The following SORCS3 variants were observed in gnomAD, a reference collection of about 807,000 sequenced individuals.
SORCS3 encodes VPS10 domain-containing receptor SorCS3.
In SORCS3, 57 loss-of-function variants were observed where a neutral mutation model predicts 146.3. The observed-to-expected ratio is 0.39, with a 90% CI of 0.31 to 0.49. The LOEUF (loss-of-function observed/expected upper bound fraction) is 0.49, where lower values mean the gene tolerates loss of function less well. SORCS3 is among the 20% of genes least tolerant of loss of function. The probability of loss-of-function intolerance (pLI) is 0.92; values close to 1 mark genes in which losing one functional copy is unlikely to be tolerated. For missense variants in SORCS3, 1,341 were observed against 1,575.5 expected (o/e 0.85, Z 2.52); for synonymous variants, 653 against 618.5 (o/e 1.06, Z -0.83).
intron 1 of SORCS3, among the ~76,000 whole-genome samples, chr10:104,690,144 G>A (rs778147885): frequency 1.3e-5 from 2 of 152,166 alleles, no homozygotes; most frequent in African/African-American, 4.8e-5. Flanking sequence ...TCCCTTGCCT[G>A]TAGCTGGGAA....
At chr10:105,134,872 G>A (rs572003838) in intron 7 of SORCS3, among the ~76,000 whole-genome samples, 24 of 152,182 alleles carry the variant, frequency 1.6e-4, no homozygotes, top group African/African-American at 3.4e-4. Context: ...TCTCATCTGC[G>A]TATCATCTTA....
intron 9 of SORCS3, among the ~76,000 whole-genome samples, chr10:105,156,766 A>G (rs2056212817): frequency 6.6e-6 from 1 of 152,140 alleles, no homozygotes; most frequent in African/African-American, 2.4e-5. Flanking sequence ...GCCTCTTCTG[A>G]GCAGAAAAAC....
intron 2 of SORCS3, 88 bp from the exon 3 acceptor site, chr10:104,915,745 C>T (rs1300647396): frequency 1.7e-5 from 18 of 1,042,824 alleles, no homozygotes; most frequent in African/African-American, 4.7e-5. Context: ...AGGTGCTGGT[C>T]GGTCGAGGGA....
chr10:105,102,418 T>TCCACTGG (rs2055791171), intron 6 of SORCS3, among the ~76,000 whole-genome samples: 1 of 152,078 alleles, frequency 6.6e-6, no homozygotes, highest in Non-Finnish European at 1.5e-5. Flanking sequence ...CTAAGCAAAC[T>TCCACTGG]AACACTGGAA....
intron 2 of SORCS3, among the ~76,000 whole-genome samples, chr10:104,881,944 T>G (rs539854241): frequency 6.6e-6 from 1 of 152,144 alleles, no homozygotes; most frequent in Non-Finnish European, 1.5e-5. Context: ...AAAAACTCTT[T>G]GCATCTTCAG....
At chr10:104,718,133 G>A (rs1589470462) in intron 1 of SORCS3, among the ~76,000 whole-genome samples, 1 of 152,198 alleles carries the variant, frequency 6.6e-6, no homozygotes, top group South Asian at 2.1e-4. Flanking sequence ...GCGACAGAGT[G>A]AGACTCCGTC....
intron 8 of SORCS3, among the ~76,000 whole-genome samples, chr10:105,145,167 T>C (rs1377239210): frequency 3.9e-5 from 6 of 152,200 alleles, no homozygotes; most frequent in Non-Finnish European, 8.8e-5. Flanking sequence ...ATAGGTCATT[T>C]TGATGCACAC....
chr10:104,856,933 T>C (rs2133557450), intron 2 of SORCS3, among the ~76,000 whole-genome samples: 1 of 149,560 alleles, frequency 6.7e-6, no homozygotes, highest in African/African-American at 2.5e-5. Context: ...ACCACTGTTA[T>C]ATGATATTCT....
At chr10:105,112,885 C>T (rs527667741) in intron 7 of SORCS3, among the ~76,000 whole-genome samples, 14 of 152,166 alleles carry the variant, frequency 9.2e-5, no homozygotes, top group African/African-American at 2.6e-4. Flanking sequence ...ACTTAAATTT[C>T]GAACTTTTAA....
intron 2 of SORCS3, among the ~76,000 whole-genome samples, chr10:104,910,828 C>T (rs1010805153): frequency 2.6e-5 from 4 of 152,208 alleles, no homozygotes; most frequent in Non-Finnish European, 5.9e-5. Flanking sequence ...GCCAGAGCCC[C>T]GTGGCTACAC....
chr10:104,888,358 A>C (rs1490389195), intron 2 of SORCS3, among the ~76,000 whole-genome samples: 1 of 152,188 alleles, frequency 6.6e-6, no homozygotes, highest in Non-Finnish European at 1.5e-5. Flanking sequence ...CGATCCAAGA[A>C]ATTGGGCTTC....
chr10:105,217,131 G>A lies in SORCS3; in HGVS notation c.2734+9G>A, dbSNP rs1564787228. The A allele has an allele frequency of 4.3e-6, 7 of 1,612,870 alleles. No homozygotes were observed. Among genetic ancestry groups the A allele is most frequent in the Non-Finnish European group, 4.2e-6 (5 of 1,179,154 alleles). ...CTTCCTGCATGTGGTTTGTAAGTAG[G>A]AGGCACCATCCCCGTTTTCCCTTTG... On this transcript the variant is annotated intron_variant, in intron 19 of 26. Transcript: ENST00000369701.
intron 14 of SORCS3, among the ~76,000 whole-genome samples, chr10:105,187,299 C>A (rs2056483889): frequency 6.6e-6 from 1 of 152,130 alleles, no homozygotes; most frequent in African/African-American, 2.4e-5. Flanking sequence ...GTGTAACTAA[C>A]AGTCTCCACT....
At chr10:105,178,257 A>C (rs546593843) in intron 14 of SORCS3, 84 bp downstream of exon 14, 1 of 1,077,096 alleles carries the variant, frequency 9.3e-7, no homozygotes, top group South Asian at 1.6e-5. Context: ...TTCCCAGGGA[A>C]CCCTACACCA....
intron 2 of SORCS3, among the ~76,000 whole-genome samples, chr10:104,894,079 A>G (rs1011716684): frequency 4.6e-5 from 7 of 152,192 alleles, no homozygotes; most frequent in African/African-American, 1.7e-4. Context: ...CTACTCACTG[A>G]CCAGGCTTCC....
intron 1 of SORCS3, among the ~76,000 whole-genome samples, chr10:104,707,364 G>C (rs185922153): frequency 6.6e-6 from 1 of 152,268 alleles, no homozygotes; most frequent in Non-Finnish European, 1.5e-5. Flanking sequence ...TTAAAAATGT[G>C]ATATTCTTAT....
chr10:104,752,014 A>C (rs1589485355), intron 1 of SORCS3, among the ~76,000 whole-genome samples: 1 of 133,472 alleles, frequency 7.5e-6, no homozygotes, highest in East Asian at 2.5e-4. Flanking sequence ...GTTGCCTTTA[A>C]AAGCTCTGTT....
chr10:105,198,758 C>A (rs1459519263), intron 14 of SORCS3, among the ~76,000 whole-genome samples: 1 of 152,184 alleles, frequency 6.6e-6, no homozygotes, highest in Non-Finnish European at 1.5e-5. Flanking sequence ...TGTAGTTTTA[C>A]TAAAGGAGAG....
At chr10:105,196,336 G>A (rs1193318201) in intron 14 of SORCS3, among the ~76,000 whole-genome samples, 7 of 152,176 alleles carry the variant, frequency 4.6e-5, no homozygotes, top group South Asian at 2.1e-4. Context: ...AGGTGTGGTC[G>A]CTCACGCCTG....
Sources: allele counts gnomAD v4.1 joint callset (sites outside exome capture counted in the v4.1 genomes callset), GRCh38; gene constraint gnomAD v4.1.1; transcripts MANE v1.5; gene names NCBI Gene and HGNC (gene_info 2026-07-23, HGNC 2026-07-21).